Variants in ADRA1B observed in about 807,000 individuals in gnomAD.
ADRA1B encodes alpha-1B adrenergic receptor.
Under a neutral mutation model 17.9 loss-of-function variants are expected in ADRA1B, and 17 were observed. The ratio of observed to expected loss-of-function variants is 0.95; its 90% CI spans 0.65 to 1.42. ADRA1B has a LOEUF of 1.42. Ranked by LOEUF, ADRA1B falls within the 40% of genes most tolerant of loss-of-function variation. The pLI is 0.00. For missense variants in ADRA1B, 681 were observed against 722.1 expected, an observed-to-expected ratio of 0.94 and a Z score of 0.65; for synonymous variants, 366 against 327.6, an observed-to-expected ratio of 1.12 and a Z score of -1.27.
At chr5:159,928,014 G>A (rs977923196) in intron 1 of ADRA1B, among the ~76,000 whole-genome samples, 1 of 152,180 alleles carries the variant, frequency 6.6e-6, no homozygotes, top group Non-Finnish European at 1.5e-5. Flanking sequence ...ATGAGTGAGT[G>A]GCTGAGCTAA....
chr5:159,939,195 T>C (rs1755035425), intron 1 of ADRA1B, among the ~76,000 whole-genome samples: 1 of 150,482 alleles, frequency 6.6e-6, no homozygotes, highest in Admixed American at 6.6e-5. Flanking sequence ...TGGTTTTCAT[T>C]TGAGAAGGAA....
intron 1 of ADRA1B, among the ~76,000 whole-genome samples, chr5:159,891,352 C>T (rs1753981629): frequency 6.6e-6 from 1 of 152,174 alleles, no homozygotes; most frequent in South Asian, 2.1e-4. Flanking sequence ...TTGAAAATCA[C>T]TTACACCACT....
intron 1 of ADRA1B, among the ~76,000 whole-genome samples, chr5:159,885,132 A>G (rs1469003053): frequency 6.6e-6 from 1 of 152,244 alleles, no homozygotes; most frequent in Non-Finnish European, 1.5e-5. Context: ...GTAAGATCAG[A>G]GTCACAGACT....
rs144164193 is a variant in ADRA1B, at chr5:159,972,866, C to A, written c.*374C>A. Among the ~76,000 whole-genome samples, 64 of 152,182 alleles carry A rather than the reference C, an allele frequency of 4.2e-4. No individual in the cohort carries two copies. The highest frequency in any genetic ancestry group is 9.8e-4 in the Admixed American group (15 of 15,282). On this transcript the variant is annotated 3_prime_UTR_variant, in exon 2 of 2. Coordinates refer to ENST00000306675, the MANE Select transcript of ADRA1B (RefSeq NM_000679.4). ...TGTGCGTGGGGCCGCCCTGTGAGGG[C>A]GCGGCGACTGTGCGCCCAGGAGGCA...
chr5:159,894,118 C>T (rs370454907), intron 1 of ADRA1B, among the ~76,000 whole-genome samples: 2 of 152,254 alleles, frequency 1.3e-5, no homozygotes, highest in African/African-American at 2.4e-5. Flanking sequence ...AACCCCCTCC[C>T]TACAGACAGG....
chr5:159,917,002 A>G lies in ADRA1B; in HGVS notation c.97A>G (p.Ser33Gly). Reference protein sequence around the residue: ...ANFTGPNQTSSNSTLPQLDIT... With the variant: ...ANFTGPNQTSGNSTLPQLDIT... ...CTTCACTGGCCCCAACCAGACCTCG[A>G]GCAACTCCACACTGCCCCAGCTGGA... Residue 33 changes from serine (S) to glycine (G), a missense_variant, in exon 1 of 2, where the codon AGC becomes GGC. Ser to Gly is a moderately conservative substitution (Grantham distance 56). Around this residue, in one of 3 missense-constraint regions of ADRA1B, gnomAD observed 424 missense variants for 480.2 expected, o/e 0.88. Transcript: ENST00000306675. 1 of 1,614,104 alleles carries G rather than the reference A, an allele frequency of 6.2e-7. No homozygotes were observed. The highest frequency in any genetic ancestry group is 8.5e-7 in the Non-Finnish European group (1 of 1,180,000).
At chr5:159,958,523 C>G (rs1241562951) in intron 1 of ADRA1B, among the ~76,000 whole-genome samples, 1 of 152,194 alleles carries the variant, frequency 6.6e-6, no homozygotes, top group Admixed American at 6.5e-5. Context: ...CTCATACCCA[C>G]TCTTACCATT....
At chr5:159,877,986 C>A (rs1753819680) in intron 1 of ADRA1B, among the ~76,000 whole-genome samples, 1 of 152,182 alleles carries the variant, frequency 6.6e-6, no homozygotes, top group South Asian at 2.1e-4. Flanking sequence ...CTTCTGGGAA[C>A]AACCTGAGTT....
chr5:159,952,906 CCT>C (rs1755472762), intron 1 of ADRA1B, among the ~76,000 whole-genome samples: 1 of 152,198 alleles, frequency 6.6e-6, no homozygotes, highest in Non-Finnish European at 1.5e-5. Flanking sequence ...CCAGGCCTCC[CCT>C]CTCAAGAGCT....
chr5:159,894,804 A>G (rs1046181823), intron 1 of ADRA1B, among the ~76,000 whole-genome samples: 2 of 152,134 alleles, frequency 1.3e-5, no homozygotes, highest in South Asian at 2.1e-4. Context: ...CAGGAAGGTG[A>G]TGTTGTCACT....
intron 1 of ADRA1B, among the ~76,000 whole-genome samples, chr5:159,926,662 G>A (rs937619859): frequency 2.0e-5 from 3 of 152,036 alleles, no homozygotes; most frequent in South Asian, 2.1e-4. Context: ...CGAGGCGGGC[G>A]GATCACTTGA....
In ADRA1B at chr5:159,972,190, C is replaced by A; in HGVS notation, c.1261C>A (p.Leu421Met). Reference protein sequence around the residue: ...GSCLSGSQRTLPSASPSPGYL... With the variant: ...GSCLSGSQRTMPSASPSPGYL... ...CTGCCTGAGCGGCAGCCAGCGGACC[C>A]TGCCCTCGGCCTCGCCGAGCCCGGG... The change falls in exon 2 of 2, where the codon CTG becomes ATG. Residue 421 changes from leucine to methionine, a missense_variant. Leu to Met is a conservative substitution (Grantham distance 15). Around this residue, in one of 3 missense-constraint regions of ADRA1B, gnomAD observed 251 missense variants for 224.9 expected, o/e 1.12. Coordinates refer to ENST00000306675, the MANE Select transcript of ADRA1B (RefSeq NM_000679.4). 7.3e-7 allele frequency: 1 copy of A among 1,363,158 alleles called. No homozygotes were observed. The allele number at this position is 1,363,158 out of a possible 1,614,324, so 84.4% of individuals were successfully genotyped here.
intron 1 of ADRA1B, chr5:159,951,607 C>G: frequency 2.4e-6 from 1 of 413,072 alleles, no homozygotes; most frequent in Non-Finnish European, 4.6e-6. Context: ...GATGGATAGA[C>G]GAGACCACTG....
chr5:159,959,041 G>A (rs996120969), intron 1 of ADRA1B, among the ~76,000 whole-genome samples: 2 of 152,178 alleles, frequency 1.3e-5, no homozygotes, highest in African/African-American at 4.8e-5. Flanking sequence ...GTAATCAATG[G>A]GCACTGACTG....
chr5:159,914,374 T>C (rs140544327), upstream of ADRA1B, among the ~76,000 whole-genome samples: 246 of 152,254 alleles, frequency 1.6e-3, 2 homozygotes, highest in Middle Eastern at 0.017. Flanking sequence ...GCTCTGCTCC[T>C]GACCATCTTG....
intron 1 of ADRA1B, among the ~76,000 whole-genome samples, chr5:159,896,095 AC>A (rs1479987993): frequency 6.6e-6 from 1 of 152,218 alleles, no homozygotes; most frequent in Non-Finnish European, 1.5e-5. Flanking sequence ...TATCCCCAGG[AC>A]CTAGCACAGT....
At chr5:159,923,444 G>C (rs1276513769) in intron 1 of ADRA1B, among the ~76,000 whole-genome samples, 1 of 152,234 alleles carries the variant, frequency 6.6e-6, no homozygotes, top group Non-Finnish European at 1.5e-5. Flanking sequence ...CAAGACCTGG[G>C]GATGGGTTGG....
chr5:159,927,842 C>T (rs892704897), intron 1 of ADRA1B, among the ~76,000 whole-genome samples: 1 of 152,048 alleles, frequency 6.6e-6, no homozygotes, highest in African/African-American at 2.4e-5. Flanking sequence ...ACAGCCTCAA[C>T]AGTCCAGGGA....
chr5:159,928,823 C>T (rs552011484), intron 1 of ADRA1B, among the ~76,000 whole-genome samples: 1 of 152,116 alleles, frequency 6.6e-6, no homozygotes, highest in Admixed American at 6.5e-5. Context: ...AGCACTGGGC[C>T]GGGCGGAGAT....
Sources: allele counts gnomAD v4.1 joint callset (sites outside exome capture counted in the v4.1 genomes callset), GRCh38; gene constraint gnomAD v4.1.1; regional missense constraint gnomAD v4.1.1; transcripts MANE v1.5; gene names NCBI Gene and HGNC (gene_info 2026-07-23, HGNC 2026-07-21).